XPR1: variants seen among roughly 807,000 people sequenced by gnomAD.
XPR1 encodes xenotropic and polytropic retrovirus receptor 1.
Under a neutral mutation model 87.5 loss-of-function variants are expected in XPR1, and 28 were observed. The observed-to-expected ratio is 0.32, with a 90% confidence interval of 0.24 to 0.44. XPR1 has a LOEUF of 0.44. XPR1 is among the 20% of genes least tolerant of loss of function. The pLI is 1.00. For synonymous variants in XPR1, 300 were observed against 306.1 expected, an observed-to-expected ratio of 0.98 and a Z score of 0.21; for missense variants, 559 against 862.3, an observed-to-expected ratio of 0.65 and a Z score of 4.41.
At chr1:180,836,791 C>T (rs754634875) in intron 11 of XPR1, 75 bp downstream of exon 11, 40 of 1,513,070 alleles carry the variant, frequency 2.6e-5, no homozygotes, top group Admixed American at 3.6e-5. Context: ...CTTACTCTGG[C>T]TACTTTTCCA....
intron 2 of XPR1, among the ~76,000 whole-genome samples, chr1:180,682,622 T>A (rs1002753518): frequency 6.6e-6 from 1 of 152,160 alleles, no homozygotes; most frequent in Non-Finnish European, 1.5e-5. Context: ...GATCTTTTAC[T>A]ATGTCTTTGT....
In XPR1 at chr1:180,880,081, T is replaced by C; in HGVS notation, c.1814T>C (p.Phe605Ser). ...VFAPLEVFRR[F>S]VWNFFRLENE... ...ATCTACCCCATTTTGCTAAGGCGAT[T>C]TGTGTGGAACTTCTTCCGCCTGGAG... Residue 605 changes from phenylalanine (F) to serine (S), a missense_variant, in exon 14 of 15, where the codon TTT (phenylalanine) becomes TCT (serine). By Grantham distance (155) the Phe-to-Ser change is radical. Coordinates refer to ENST00000367590, the MANE Select transcript of XPR1 (RefSeq NM_004736.4). 1 of 1,614,182 alleles carries C rather than the reference T, an allele frequency of 6.2e-7. No homozygotes were observed. The highest frequency in any genetic ancestry group is 8.5e-7 in the Non-Finnish European group (1 of 1,180,036).
chr1:180,791,855 T>G (rs1289816031), intron 3 of XPR1, among the ~76,000 whole-genome samples: 1 of 152,238 alleles, frequency 6.6e-6, no homozygotes, highest in Non-Finnish European at 1.5e-5. Context: ...CATGATTTCT[T>G]TAAGTTAGGT....
intron 1 of XPR1, among the ~76,000 whole-genome samples, chr1:180,656,825 T>A (rs578010342): frequency 6.6e-6 from 1 of 150,390 alleles, no homozygotes; most frequent in Non-Finnish European, 1.5e-5. Flanking sequence ...CTCTTAGATA[T>A]ACTGATTTTC....
At position 180,820,762 on chromosome 1, in the gene XPR1, A is replaced by T. The variant is rs560925847; in HGVS notation, c.764-3991A>T. ...TTGTTTTCTTCATTATATCCATACA[A>T]ATGGGCGTGAAGTGGTATCTCATTG... is the stretch of plus-strand genomic sequence containing the variant. On this transcript the variant is annotated intron_variant, in intron 7 of 14. Transcript: ENST00000367590. 7.9e-5 allele frequency among the ~76,000 whole-genome samples: 12 copies of T among 152,278 alleles called. No individual in the cohort carries two copies. The South Asian group carries it at 1.0e-3, about 13-fold the overall frequency.
chr1:180,757,693 A>T (rs1239132168), intron 2 of XPR1, among the ~76,000 whole-genome samples: 3 of 151,266 alleles, frequency 2.0e-5, no homozygotes, highest in African/African-American at 7.3e-5. Flanking sequence ...ATTTTTACAA[A>T]TTTTTTTGTA....
At chr1:180,761,446 A>G (rs1210155481) in intron 2 of XPR1, among the ~76,000 whole-genome samples, 1 of 152,234 alleles carries the variant, frequency 6.6e-6, no homozygotes, top group Non-Finnish European at 1.5e-5. Flanking sequence ...CAACCCCATC[A>G]AAAAGTGGGC....
chr1:180,764,099 T>G (rs1648173490), intron 2 of XPR1, among the ~76,000 whole-genome samples: 2 of 152,240 alleles, frequency 1.3e-5, no homozygotes, highest in Admixed American at 1.3e-4. Context: ...TTATAGTGTA[T>G]AAATTCAAAG....
chr1:180,789,154 A>G (rs1649286890), intron 3 of XPR1, among the ~76,000 whole-genome samples: 1 of 152,218 alleles, frequency 6.6e-6, no homozygotes, highest in South Asian at 2.1e-4. Flanking sequence ...GTGTATTTCT[A>G]TAAAAATGAA....
rs61193416 is a variant in XPR1 at position 180,715,230 on chromosome 1, A to G, written c.121+32819A>G. 2.0e-5 allele frequency among the ~76,000 whole-genome samples: 3 copies of G among 152,202 alleles called. No individual in the cohort carries two copies. The East Asian group carries it at 5.8e-4, about 29-fold the overall frequency. On this transcript the variant is annotated intron_variant, in intron 2 of 14. Transcript: ENST00000367590. ...AAAGTGTTCAGAAATAAGGAAGGTA[A>G]TTATCTCACACTTCTTTACTGAATA...
At chr1:180,797,639 A>G (rs565723818) in intron 3 of XPR1, among the ~76,000 whole-genome samples, 2 of 152,210 alleles carry the variant, frequency 1.3e-5, no homozygotes, top group African/African-American at 2.4e-5. Flanking sequence ...ATTTTATTAC[A>G]TATGATATTC....
chr1:180,794,189 G>GTA lies in XPR1; in HGVS notation c.223+6338_223+6339dup, dbSNP rs999786806. On this transcript the variant is annotated intron_variant, in intron 3 of 14. Coordinates refer to ENST00000367590, the MANE Select transcript of XPR1 (RefSeq NM_004736.4). Reference sequence around the variant, plus strand: ...TCCTATTACACATGTAGCATATATAGTATAGCCTGTTGCTCCTAGGCTACA... The same window carrying GTA: ...TCCTATTACACATGTAGCATATATAGTATATAGCCTGTTGCTCCTAGGCTACA... Among the ~76,000 whole-genome samples the GTA allele has an allele frequency of 4.2e-4, 64 of 152,154 alleles. 3 individuals carry two copies. The highest frequency in any genetic ancestry group is 4.4e-5 in the Non-Finnish European group (3 of 68,028).
At chr1:180,648,139 C>T (rs924886474) in intron 1 of XPR1, among the ~76,000 whole-genome samples, 1 of 152,178 alleles carries the variant, frequency 6.6e-6, no homozygotes, top group Non-Finnish European at 1.5e-5. Flanking sequence ...AGCTCCAAAA[C>T]TTTCACTAAG....
intron 2 of XPR1, among the ~76,000 whole-genome samples, chr1:180,779,581 A>C (rs542402389): frequency 1.3e-5 from 2 of 151,886 alleles, no homozygotes; most frequent in Non-Finnish European, 2.9e-5. Context: ...ATGGTGAAAC[A>C]TCATCTCTAG....
At chr1:180,690,481 C>T (rs897225047) in intron 2 of XPR1, among the ~76,000 whole-genome samples, 3 of 152,078 alleles carry the variant, frequency 2.0e-5, no homozygotes, top group Non-Finnish European at 4.4e-5. Flanking sequence ...AAATGTATTA[C>T]TATGAACTAC....
chr1:180,763,916 A>C (rs909853944), intron 2 of XPR1, among the ~76,000 whole-genome samples: 1 of 152,238 alleles, frequency 6.6e-6, no homozygotes, highest in East Asian at 1.9e-4. Flanking sequence ...CCCTTTAATC[A>C]AAACATAGAA....
rs756559245 is a variant in XPR1 at position 180,633,517 on chromosome 1, TGAA to T, written c.69+1253_69+1255del. 4.5e-4 allele frequency among the ~76,000 whole-genome samples: 68 copies of T among 152,338 alleles called. 1 individual carries two copies. Among genetic ancestry groups the T allele is most frequent in the Non-Finnish European group, 7.2e-4 (49 of 68,034 alleles). On this transcript the variant is annotated intron_variant, in intron 1 of 14. Transcript: ENST00000367590. ...TTATTCATATAGCCATTGTAATAAT[TGAA>T]GAAGACAGGGAAAGAGATGCAGGTA...
At chr1:180,830,322 TTA>T (rs1651011303) in intron 9 of XPR1, among the ~76,000 whole-genome samples, 2 of 152,206 alleles carry the variant, frequency 1.3e-5, no homozygotes, top group East Asian at 3.9e-4. Context: ...ATGAGAGTGG[TTA>T]AGAGACTGAG....
chr1:180,806,658 TTATAAG>T, intron 6 of XPR1, 101 bp downstream of exon 6: 1 of 915,248 alleles, frequency 1.1e-6, no homozygotes, highest in Non-Finnish European at 1.7e-6. Flanking sequence ...CAGCCAAAGT[TTATAAG>T]TAGTTGCTAT....
Sources: allele counts gnomAD v4.1 joint callset (sites outside exome capture counted in the v4.1 genomes callset), GRCh38; gene constraint gnomAD v4.1.1; transcripts MANE v1.5; gene names NCBI Gene and HGNC (gene_info 2026-07-23, HGNC 2026-07-21).